The following HRNR variants were observed in gnomAD, a reference collection of about 807,000 sequenced individuals.
HRNR encodes the protein filaggrin family member 3.
A neutral mutation model predicts 4.8 loss-of-function variants in HRNR; 7 were observed. The observed-to-expected ratio is 1.47, with a 90% CI of 0.83 to 2.75. The LOEUF (loss-of-function observed/expected upper bound fraction) is 2.75. Ranked by LOEUF, HRNR falls within the 30% of genes most tolerant of loss-of-function variation. HRNR has a pLI of 0.00. For missense variants in HRNR, 2,879 were observed against 3,010.4 expected (o/e 0.96, Z 1.02); for synonymous variants, 1,023 against 1,242.7 (o/e 0.82, Z 3.72).
chr1:152,219,623 A>C lies in HRNR; in HGVS notation c.2006T>G (p.Phe669Cys), dbSNP rs77790012. 9 of 1,583,970 alleles carry C rather than the reference A, an allele frequency of 5.7e-6. No homozygotes were observed. The highest frequency in any genetic ancestry group is 7.7e-6 in the Non-Finnish European group (9 of 1,164,088). ...SPSRGRHGSD[F>C]GHSSSYGQHG... ...TTGGCCGTAGCTGGAAGAGTGCCCA[A>C]AATCGGACCCATGTCGGCCGCGACT... Residue 669 changes from phenylalanine (F) to cysteine (C), a missense_variant, in exon 3 of 3, where the codon TTT (phenylalanine) becomes TGT (cysteine). Phe to Cys is a radical substitution (Grantham distance 205). This residue lies in a region of HRNR where 2,646 missense variants were observed against 1,377.7 expected (regional missense o/e 1.92). Coordinates refer to ENST00000368801, the MANE Select transcript of HRNR (RefSeq NM_001009931.3).
chr1:152,212,941 GA>G lies in HRNR; in HGVS notation c.*134del. On this transcript the variant is annotated 3_prime_UTR_variant, in exon 3 of 3. Transcript: ENST00000368801. ...ATATGCTACAGTTTTAGGCTCTAAA[GA>G]AAGAGACAGAAATGCATTGATTCAC... 1 of 1,224,350 alleles carries G rather than the reference GA, an allele frequency of 8.2e-7. No homozygotes were observed. Among genetic ancestry groups the G allele is most frequent in the Non-Finnish European group, 1.1e-6 (1 of 892,598 alleles). The allele number at this position is 1,224,350 out of a possible 1,614,324, so 75.8% of individuals were successfully genotyped here.
Position 152,212,956 on chromosome 1 carries a change from G to A in HRNR, c.*120C>T, listed in dbSNP as rs1648440877. 5 of 1,311,686 alleles carry A rather than the reference G, an allele frequency of 3.8e-6. No homozygotes were observed. The highest frequency in any genetic ancestry group is 1.5e-5 in the South Asian group (1 of 66,092). The allele number at this position is 1,311,686 out of a possible 1,614,324, so 81.3% of individuals were successfully genotyped here. On this transcript the variant is annotated 3_prime_UTR_variant, in exon 3 of 3. Transcript: ENST00000368801. ...AGGCTCTAAAGAAAGAGACAGAAAT[G>A]CATTGATTCACTTTTAGAACGAATT... is the stretch of plus-strand genomic sequence containing the variant.
chr1:152,218,807 G>C lies in HRNR; in HGVS notation c.2822C>G (p.Ser941Cys). 6.2e-7 allele frequency: 1 copy of C among 1,613,490 alleles called. No individual in the cohort carries two copies. The highest frequency in any genetic ancestry group is 8.5e-7 in the Non-Finnish European group (1 of 1,179,952). Residue 941 changes from serine to cysteine, a missense_variant, in exon 3 of 3, where the codon TCC becomes TGC. Physicochemically the swap from Ser to Cys is moderately radical, Grantham distance 112. Transcript: ENST00000368801. ...GFGHKSSSGQ[S>C]SGYTQHGSGS... Reference sequence around the variant, plus strand: ...AGATCCATGCTGAGTGTAACCAGAGGACTGCCCTGAGCTAGACTTGTGACC... The same window carrying C: ...AGATCCATGCTGAGTGTAACCAGAGCACTGCCCTGAGCTAGACTTGTGACC...
intron 2 of HRNR, 132 bp from the exon 3 acceptor site, chr1:152,221,622 G>T: frequency 1.5e-6 from 1 of 661,188 alleles, no homozygotes; most frequent in Non-Finnish European, 2.6e-6. Flanking sequence ...CAGTCCTTTA[G>T]GCTGCATTTC....
rs763249193 is a variant in HRNR at position 152,213,184 on chromosome 1, T to C, written c.8445A>G (p.Gly2815=). The C allele has an allele frequency of 5.0e-6, 8 of 1,614,008 alleles. No homozygotes were observed. The highest frequency in any genetic ancestry group is 1.6e-4 in the Middle Eastern group (1 of 6,084). Residue 2815 remains glycine (G), a synonymous_variant, in exon 3 of 3, where the codon GGA becomes GGG. Transcript: ENST00000368801. ...SGQDGYSYCK[G]GSNHDGGSSG... ...AACTTCCCCCATCATGGTTACTTCC[T>C]CCTTTGCAATAAGAATACCCATCTT...
Position 152,213,003 on chromosome 1 carries a change from T to C in HRNR, c.*73A>G. On this transcript the variant is annotated 3_prime_UTR_variant, in exon 3 of 3. Coordinates refer to ENST00000368801, the MANE Select transcript of HRNR (RefSeq NM_001009931.3). ...AATTTCATGATGGATTGCTTGTCTT[T>C]CATGATGAATTCATAGATGACTTTC... 1 of 1,536,832 alleles carries C rather than the reference T, an allele frequency of 6.5e-7. No individual in the cohort carries two copies. The highest frequency in any genetic ancestry group is 1.8e-4 in the Middle Eastern group (1 of 5,650).
rs530532303 is a variant in HRNR at position 152,218,520 on chromosome 1, G to A, written c.3109C>T (p.Arg1037Cys). 4.5e-5 allele frequency: 72 copies of A among 1,613,122 alleles called. No individual in the cohort carries two copies. Among genetic ancestry groups the A allele is most frequent in the African/African-American group, 4.4e-4 (33 of 74,634 alleles). Residue 1037 changes from arginine (R) to cysteine (C), a missense_variant, in exon 3 of 3, where the codon CGT becomes TGT. Transcript: ENST00000368801. ...CCGGAGCCAGACTCATATGGGCCACGGCTTGAAGACCACCCTGAGCCAGAC... is the reference window on the plus strand; with the variant it reads ...CCGGAGCCAGACTCATATGGGCCACAGCTTGAAGACCACCCTGAGCCAGAC... ...YRSGSGWSSS[R>C]GPYESGSGHS...
Position 152,223,295 on chromosome 1 carries a change from GA to G in HRNR, c.-25-18del. ...TTGAGTAACCTAAAGGGAGGAAAAA[GA>G]GAGACCAACCCCTTACTATTCTTAT... On this transcript the variant is annotated intron_variant, in intron 1 of 2. Coordinates refer to ENST00000368801, the MANE Select transcript of HRNR (RefSeq NM_001009931.3). 6.6e-7 allele frequency: 1 copy of G among 1,516,088 alleles called. No homozygotes were observed. The highest frequency in any genetic ancestry group is 9.1e-7 in the Non-Finnish European group (1 of 1,102,942). 93.9% of individuals were successfully genotyped at this position (1,516,088 alleles called of 1,614,324 possible). A position where few individuals can be genotyped will look rare whatever the true frequency, so the allele number is the denominator to read the frequency against.
Position 152,218,783 on chromosome 1 carries a change from G to C in HRNR, c.2846C>G (p.Ser949Cys). 1.9e-6 allele frequency: 3 copies of C among 1,613,896 alleles called. No individual in the cohort carries two copies. The highest frequency in any genetic ancestry group is 2.5e-6 in the Non-Finnish European group (3 of 1,180,014). ...GQSSGYTQHG[S>C]GSGHSSSYEQ... The stretch of plus-strand genomic sequence containing the variant: ...GTAGCTGGAGGAGTGACCTGAGCCA[G>C]ATCCATGCTGAGTGTAACCAGAGGA... Residue 949 changes from serine (S) to cysteine (C), a missense_variant, in exon 3 of 3, where the codon TCT becomes TGT. Coordinates refer to ENST00000368801, the MANE Select transcript of HRNR (RefSeq NM_001009931.3).
At position 152,212,204 on chromosome 1, in the gene HRNR, A is replaced by G. The variant is rs931532179; in HGVS notation, c.*872T>C. 1 of 152,214 alleles carries G rather than the reference A, an allele frequency of 6.6e-6. No homozygotes were observed. The highest frequency in any genetic ancestry group is 1.5e-5 in the Non-Finnish European group (1 of 68,028). 9.4% of individuals were successfully genotyped at this position (152,214 alleles called of 1,614,324 possible). The stretch of plus-strand genomic sequence containing the variant: ...GCAGTGACAGATACTCTTCCTTTTC[A>G]TCTGGGCATGGATGATATTTTTTCA... On this transcript the variant is annotated 3_prime_UTR_variant, in exon 3 of 3. Transcript: ENST00000368801.
rs748333345 is a variant in HRNR, at chr1:152,218,670, C to G, written c.2959G>C (p.Gly987Arg). 7.4e-6 allele frequency: 12 copies of G among 1,613,856 alleles called. No homozygotes were observed. Among genetic ancestry groups the G allele is most frequent in the Non-Finnish European group, 1.0e-5 (12 of 1,180,006 alleles). Residue 987 changes from glycine (G) to arginine (R), a missense_variant, in exon 3 of 3, where the codon GGG becomes CGG. Physicochemically the swap from Gly to Arg is moderately radical, Grantham distance 125. Transcript: ENST00000368801. ...CCCAAAGACTGACGGGAGCCAGACC[C>G]ATGCTGACCATAGCTGGAAGACGAA... is the stretch of plus-strand genomic sequence containing the variant. The part of the protein sequence containing the change: ...SGSSSSYGQH[G>R]SGSRQSLGHG...
At position 152,212,945 on chromosome 1, in the gene HRNR, GAGAC is replaced by G; in HGVS notation, c.*127_*130del. The G allele has an allele frequency of 8.0e-7, 1 of 1,251,380 alleles. No individual in the cohort carries two copies. The highest frequency in any genetic ancestry group is 1.1e-6 in the Non-Finnish European group (1 of 915,536). 77.5% of individuals were successfully genotyped at this position (1,251,380 alleles called of 1,614,324 possible). ...GCTACAGTTTTAGGCTCTAAAGAAA[GAGAC>G]AGAAATGCATTGATTCACTTTTAGA... On this transcript the variant is annotated 3_prime_UTR_variant, in exon 3 of 3. Coordinates refer to ENST00000368801, the MANE Select transcript of HRNR (RefSeq NM_001009931.3).
chr1:152,220,413 C>G lies in HRNR; in HGVS notation c.1216G>C (p.Ala406Pro). Residue 406 changes from alanine to proline, a missense_variant, in exon 3 of 3, where the codon GCC (alanine) becomes CCC (proline). Physicochemically the swap from Ala to Pro is conservative, Grantham distance 27. Coordinates refer to ENST00000368801, the MANE Select transcript of HRNR (RefSeq NM_001009931.3). ...CCGCGGCCTGAAGAGTGACGGGAGG[C>G]AGACTCATGCTGACCATAGCTGGAA... ...QSSSYGQHES[A>P]SRHSSGRGQH... 1 of 1,614,140 alleles carries G rather than the reference C, an allele frequency of 6.2e-7. No individual in the cohort carries two copies. The highest frequency in any genetic ancestry group is 8.5e-7 in the Non-Finnish European group (1 of 1,180,016).
rs551087284 is a variant in HRNR at position 152,220,632 on chromosome 1, A to G, written c.997T>C (p.Tyr333His). Residue 333 changes from tyrosine to histidine, a missense_variant, in exon 3 of 3, where the codon TAC becomes CAC. This residue lies in a region of HRNR where 2,646 missense variants were observed against 1,377.7 expected (regional missense o/e 1.92). Coordinates refer to ENST00000368801, the MANE Select transcript of HRNR (RefSeq NM_001009931.3). Reference sequence around the variant, plus strand: ...CCAGACTCATAATGGCCACGGCTGTAAGAGTAACTTGAGCCAGACCCGTGT... The same window carrying G: ...CCAGACTCATAATGGCCACGGCTGTGAGAGTAACTTGAGCCAGACCCGTGT... Reference protein sequence around the residue: ...GQHGSGSSYSYSRGHYESGSG... With the variant: ...GQHGSGSSYSHSRGHYESGSG... 1.9e-6 allele frequency: 3 copies of G among 1,612,272 alleles called. No homozygotes were observed. Among genetic ancestry groups the G allele is most frequent in the South Asian group, 2.2e-5 (2 of 90,892 alleles).
In HRNR at chr1:152,218,747, C is replaced by T. The variant is rs1449956291; in HGVS notation, c.2882G>A (p.Gly961Asp). The T allele has an allele frequency of 5.6e-6, 9 of 1,613,738 alleles. No individual in the cohort carries two copies. The highest frequency in any genetic ancestry group is 1.1e-5 in the South Asian group (1 of 91,056). ...SGHSSSYEQH[G>D]SRSGQSSRSE... ...CCTAGATGACTGTCCTGACCTAGAG[C>T]CGTGTTGTTCGTAGCTGGAGGAGTG... Residue 961 changes from glycine (G) to aspartate (D), a missense_variant, in exon 3 of 3, where the codon GGC becomes GAC. Physicochemically the swap from Gly to Asp is moderately conservative, Grantham distance 94. Coordinates refer to ENST00000368801, the MANE Select transcript of HRNR (RefSeq NM_001009931.3).
rs139733268 is a variant in HRNR at position 152,219,096 on chromosome 1, C to T, written c.2533G>A (p.Gly845Arg). The stretch of plus-strand genomic sequence containing the variant: ...CTTGATGACTGCCCTGACGTAGATC[C>T]ATGTCGTCCCTGGCTAGAGAAGTGA... ...SGHFSSQGRH[G>R]STSGQSSSSG... Residue 845 changes from glycine to arginine, a missense_variant, in exon 3 of 3, where the codon GGA (glycine) becomes AGA (arginine). Transcript: ENST00000368801. 3 of 1,613,560 alleles carry T rather than the reference C, an allele frequency of 1.9e-6. No homozygotes were observed. The highest frequency in any genetic ancestry group is 1.7e-6 in the Non-Finnish European group (2 of 1,179,940).
intron 2 of HRNR, 113 bp downstream of exon 2, chr1:152,223,003 T>C (rs1649049965): frequency 1.5e-5 from 16 of 1,092,428 alleles, no homozygotes; most frequent in Admixed American, 1.3e-4. Flanking sequence ...AACCCTGTTC[T>C]CTCTCACCAA....
In HRNR at chr1:152,219,605, T is replaced by C; in HGVS notation, c.2024A>G (p.Tyr675Cys). 1.9e-6 allele frequency: 3 copies of C among 1,609,178 alleles called. No homozygotes were observed. The highest frequency in any genetic ancestry group is 2.5e-6 in the Non-Finnish European group (3 of 1,177,334). Reference protein sequence around the residue: ...HGSDFGHSSSYGQHGSGSGWS... With the variant: ...HGSDFGHSSSCGQHGSGSGWS... ...ACCGGAGCCAGACCCATGTTGGCCG[T>C]AGCTGGAAGAGTGCCCAAAATCGGA... The change falls in exon 3 of 3, where the codon TAC becomes TGC. Residue 675 changes from tyrosine to cysteine, a missense_variant. Around this residue, in one of 8 missense-constraint regions of HRNR, gnomAD observed 2,646 missense variants for 1,377.7 expected, o/e 1.92. Coordinates refer to ENST00000368801, the MANE Select transcript of HRNR (RefSeq NM_001009931.3).
rs1355319836 is a variant in HRNR, at chr1:152,221,067, G to GA, written c.561dup (p.Gln188SerfsTer32). On this transcript the variant is annotated frameshift_variant, in exon 3 of 3. Transcript: ENST00000368801. LOFTEE classifies it low-confidence loss of function (END_TRUNC). ...CCACATTGGCCGCGGCCTGAAGACT[G>GA]ATGGGAGTCGGAGTTTTGCTCACCA... 2.5e-6 allele frequency: 4 copies of GA among 1,613,226 alleles called. No homozygotes were observed. The highest frequency in any genetic ancestry group is 1.3e-5 in the African/African-American group (1 of 74,926).
Sources: allele counts gnomAD v4.1 joint callset, GRCh38; gene constraint gnomAD v4.1.1; regional missense constraint gnomAD v4.1.1; transcripts MANE v1.5; gene names NCBI Gene and HGNC (gene_info 2026-07-23, HGNC 2026-07-21).